Variants in FNDC3B observed in about 807,000 individuals in gnomAD.
FNDC3B encodes fibronectin type III domain-containing protein 3B.
A neutral mutation model predicts 151.5 loss-of-function variants in FNDC3B; 12 were observed. The observed-to-expected ratio is 0.08, with a 90% CI of 0.05 to 0.13. FNDC3B has a LOEUF of 0.13. Among genes scored for constraint, FNDC3B ranks in the 10% least tolerant of loss-of-function variants. The pLI, the probability that FNDC3B is intolerant of heterozygous loss-of-function variation, is 1.00. For missense variants in FNDC3B, 1,214 were observed against 1,505.3 expected (o/e 0.81, Z 3.20); for synonymous variants, 528 against 549.0 (o/e 0.96, Z 0.54).
chr3:172,287,014 C>G (rs554890736), intron 7 of FNDC3B, among the ~76,000 whole-genome samples: 1 of 152,104 alleles, frequency 6.6e-6, no homozygotes, highest in Non-Finnish European at 1.5e-5. Context: ...GAATACGGCA[C>G]TATAACCTGT....
chr3:172,256,434 C>T (rs1728350329), intron 6 of FNDC3B, among the ~76,000 whole-genome samples: 2 of 152,160 alleles, frequency 1.3e-5, no homozygotes, highest in Admixed American at 1.3e-4. Flanking sequence ...TGTTCAAGGA[C>T]AGGAATGGAA....
intron 6 of FNDC3B, among the ~76,000 whole-genome samples, chr3:172,267,541 G>A (rs1009216357): frequency 1.3e-5 from 2 of 152,328 alleles, no homozygotes; most frequent in African/African-American, 4.8e-5. Flanking sequence ...GAGTTGTGCT[G>A]TGGACGTGCA....
intron 3 of FNDC3B, among the ~76,000 whole-genome samples, chr3:172,222,829 G>C (rs1226714666): frequency 1.3e-5 from 2 of 152,150 alleles, no homozygotes; most frequent in Non-Finnish European, 2.9e-5. Context: ...CTGCTCTTGG[G>C]GATCCCTGGT....
At chr3:172,215,458 TC>T (rs1270915645) in intron 3 of FNDC3B, among the ~76,000 whole-genome samples, 4 of 152,208 alleles carry the variant, frequency 2.6e-5, no homozygotes, top group Non-Finnish European at 5.9e-5. Flanking sequence ...GCGTGGTGGC[TC>T]ACGCCTGTTA....
At chr3:172,130,147 G>C (rs114055887) in intron 2 of FNDC3B, among the ~76,000 whole-genome samples, 1 of 152,114 alleles carries the variant, frequency 6.6e-6, no homozygotes, top group Non-Finnish European at 1.5e-5. Flanking sequence ...TGTCAGGACC[G>C]GTCATTGGGC....
intron 3 of FNDC3B, among the ~76,000 whole-genome samples, chr3:172,161,288 G>A (rs1341392193): frequency 6.6e-6 from 1 of 152,202 alleles, no homozygotes; most frequent in Non-Finnish European, 1.5e-5. Flanking sequence ...CTCTACATAT[G>A]AAGTCAAGAA....
At position 172,381,034 on chromosome 3, in the gene FNDC3B, G is replaced by A; in HGVS notation, c.3244G>A (p.Gly1082Ser). The A allele has an allele frequency of 6.2e-7, 1 of 1,613,874 alleles. No homozygotes were observed. The change falls in exon 25 of 26, where the codon GGT becomes AGT. Residue 1082 changes from glycine to serine, a missense_variant. Gly to Ser is a moderately conservative substitution (Grantham distance 56). Transcript: ENST00000415807. ...ATGGGAGACGGTACCATCAATGAAA[G>A]GTGACCCTGTTAACTACATTCTGCA... ...ILWETVPSMKGDPVNYILQVL... is the reference protein window; with the variant it reads ...ILWETVPSMKSDPVNYILQVL...
intron 15 of FNDC3B, chr3:172,335,939 A>T (rs1732942114): frequency 6.6e-6 from 1 of 152,154 alleles, no homozygotes; most frequent in Non-Finnish European, 1.5e-5. Flanking sequence ...AGATAGAATT[A>T]TTAGGATTTC....
rs1467873072 is a variant in FNDC3B at position 172,376,875 on chromosome 3, GAAAAGA to G, written c.3009-1385_3009-1380del. Among the ~76,000 whole-genome samples, 4 of 148,132 alleles carry G rather than the reference GAAAAGA, an allele frequency of 2.7e-5. No individual in the cohort carries two copies. In the East Asian group the frequency reaches 5.9e-4, roughly 22 times the overall value. On this transcript the variant is annotated intron_variant, in intron 23 of 25. Transcript: ENST00000415807. ...AAAAAAAAAAAAAAAAGAAAGAAAA[GAAAAGA>G]AAAAGAAAAGAAAATGTTTTAGATC... is the stretch of plus-strand genomic sequence containing the variant.
intron 1 of FNDC3B, among the ~76,000 whole-genome samples, chr3:172,108,052 C>T (rs1719749082): frequency 6.6e-6 from 1 of 152,008 alleles, no homozygotes. Context: ...CCTGTAGTCC[C>T]AGCTACTCGG....
At chr3:172,286,255 T>TC (rs1329026452) in intron 7 of FNDC3B, among the ~76,000 whole-genome samples, 3 of 151,920 alleles carry the variant, frequency 2.0e-5, no homozygotes, top group South Asian at 4.2e-4. Flanking sequence ...ATTCTTTTTT[T>TC]TCTCTCTCTT....
chr3:172,344,466 T>C (rs1733506691), intron 19 of FNDC3B, among the ~76,000 whole-genome samples: 1 of 152,250 alleles, frequency 6.6e-6, no homozygotes, highest in African/African-American at 2.4e-5. Flanking sequence ...CTGTTTCTTT[T>C]GTCCTCATAT....
At chr3:172,151,928 C>CA (rs898201235) in intron 3 of FNDC3B, among the ~76,000 whole-genome samples, 7 of 152,142 alleles carry the variant, frequency 4.6e-5, no homozygotes, top group African/African-American at 1.7e-4. Context: ...CTCTGGTTTT[C>CA]AGTAAGTTAA....
At chr3:172,384,601 C>T (rs1299313300) in intron 25 of FNDC3B, among the ~76,000 whole-genome samples, 1 of 152,156 alleles carries the variant, frequency 6.6e-6, no homozygotes, top group Non-Finnish European at 1.5e-5. Context: ...TTTTATTTTA[C>T]GTGCCGTGCT....
intron 1 of FNDC3B, among the ~76,000 whole-genome samples, chr3:172,083,039 G>T (rs1718363334): frequency 6.6e-6 from 1 of 152,206 alleles, no homozygotes; most frequent in South Asian, 2.1e-4. Flanking sequence ...ATGTTTGCAA[G>T]TGTGGTGTGT....
rs67891835 is a variant in FNDC3B at position 172,262,894 on chromosome 3, C to CAAAAAAAAAAAAA, written c.790+11369_790+11381dup. Among the ~76,000 whole-genome samples the CAAAAAAAAAAAAA allele has an allele frequency of 2.1e-4, 13 of 60,610 alleles. 1 individual carries two copies. The highest frequency in any genetic ancestry group is 7.7e-4 in the African/African-American group (12 of 15,544). The allele number at this position is 60,610 out of a possible 152,430, so 39.8% of individuals were successfully genotyped here. A position where few individuals can be genotyped will look rare whatever the true frequency, so the allele number is the denominator to read the frequency against. On this transcript the variant is annotated intron_variant, in intron 6 of 25. Coordinates refer to ENST00000415807, the MANE Select transcript of FNDC3B (RefSeq NM_022763.4). Reference sequence around the variant, plus strand: ...CCTAGATGACAGAGTGAGACCGACTCAAAAAAAAAAAAAAAAAAAAAAAAA... The same window carrying CAAAAAAAAAAAAA: ...CCTAGATGACAGAGTGAGACCGACTCAAAAAAAAAAAAAAAAAAAAAAAAAAAAAAAAAAAAAA...
chr3:172,219,877 A>G (rs1726181199), intron 3 of FNDC3B, among the ~76,000 whole-genome samples: 1 of 152,160 alleles, frequency 6.6e-6, no homozygotes, highest in African/African-American at 2.4e-5. Context: ...AGCTCTTTCT[A>G]TCTTTTGAGT....
At chr3:172,308,443 G>C (rs983325293) in intron 10 of FNDC3B, among the ~76,000 whole-genome samples, 5 of 152,282 alleles carry the variant, frequency 3.3e-5, no homozygotes, top group East Asian at 3.9e-4. Context: ...TTAGGGTTTG[G>C]GGGGAGAATA....
At chr3:172,331,590 A>G (rs898427046) in intron 13 of FNDC3B, among the ~76,000 whole-genome samples, 2 of 152,092 alleles carry the variant, frequency 1.3e-5, no homozygotes, top group Admixed American at 6.5e-5. Context: ...TCCATCTCCT[A>G]ACCTCATGAT....
Sources: allele counts gnomAD v4.1 joint callset (sites outside exome capture counted in the v4.1 genomes callset), GRCh38; gene constraint gnomAD v4.1.1; transcripts MANE v1.5; gene names NCBI Gene and HGNC (gene_info 2026-07-23, HGNC 2026-07-21).